Variants in BRINP2 observed in about 807,000 individuals in gnomAD.
BRINP2 encodes BMP/retinoic acid-inducible neural-specific protein 2.
A neutral mutation model predicts 69.2 loss-of-function variants in BRINP2; 21 were observed. That is an observed-to-expected ratio of 0.30 (90% CI 0.22 to 0.44). The LOEUF (loss-of-function observed/expected upper bound fraction) is 0.44. Ranked by LOEUF, BRINP2 falls within the 20% of genes least tolerant of loss-of-function variation. The probability of loss-of-function intolerance (pLI) is 1.00; values close to 1 mark genes in which losing one functional copy is unlikely to be tolerated. For missense variants in BRINP2, 877 were observed against 986.0 expected, an observed-to-expected ratio of 0.89 and a Z score of 1.48; for synonymous variants, 380 against 394.1, an observed-to-expected ratio of 0.96 and a Z score of 0.42.
At position 177,273,534 on chromosome 1, in the gene BRINP2, A is replaced by G. The variant is rs1351818163; in HGVS notation, c.716A>G (p.Asn239Ser). ...CCTCTGGGCTGCAGCAACTATGACA[A>G]TCTGGACTCAGTCAGTTCTGTCTTG... ...TGPLGCSNYD[N>S]LDSVSSVLVQ... The change falls in exon 5 of 8, where the codon AAT becomes AGT. Residue 239 changes from asparagine (N) to serine (S), a missense_variant. Coordinates refer to ENST00000361539, the MANE Select transcript of BRINP2 (RefSeq NM_021165.4). 13 of 1,610,126 alleles carry G rather than the reference A, an allele frequency of 8.1e-6. No individual in the cohort carries two copies. The highest frequency in any genetic ancestry group is 1.0e-5 in the Non-Finnish European group (12 of 1,178,062).
chr1:177,261,051 A>G (rs1015558044), intron 4 of BRINP2, among the ~76,000 whole-genome samples: 1 of 152,098 alleles, frequency 6.6e-6, no homozygotes, highest in Non-Finnish European at 1.5e-5. Context: ...AGAGACCTGA[A>G]TGAAGTGAGG....
At chr1:177,207,374 G>A (rs896325934) in intron 1 of BRINP2, among the ~76,000 whole-genome samples, 4 of 152,140 alleles carry the variant, frequency 2.6e-5, no homozygotes, top group Non-Finnish European at 5.9e-5. Context: ...GTGGGAAGGA[G>A]GCATTTAAGG....
Position 177,281,061 on chromosome 1 carries a change from A to G in BRINP2, c.1885A>G (p.Ile629Val), listed in dbSNP as rs183912741. ...AGCTGCCCAGTGCCAAAACTGGACTATCACCTTGGGGAATAGGTGGAAGAC... is the reference window on the plus strand; with the variant it reads ...AGCTGCCCAGTGCCAAAACTGGACTGTCACCTTGGGGAATAGGTGGAAGAC... ...DAAAQCQNWT[I>V]TLGNRWKTFF... Residue 629 changes from isoleucine (I) to valine (V), a missense_variant, in exon 8 of 8, where the codon ATC becomes GTC. Ile to Val is a conservative substitution (Grantham distance 29). This residue lies in a region of BRINP2 where 225 missense variants were observed against 218.7 expected (regional missense o/e 1.03). Coordinates refer to ENST00000361539, the MANE Select transcript of BRINP2 (RefSeq NM_021165.4). 795 of 1,614,234 alleles carry G rather than the reference A, an allele frequency of 4.9e-4. 1 individual carries two copies. The highest frequency in any genetic ancestry group is 7.4e-5 in the Non-Finnish European group (87 of 1,180,040).
At chr1:177,213,649 A>G (rs1168277992) in intron 1 of BRINP2, among the ~76,000 whole-genome samples, 1 of 152,208 alleles carries the variant, frequency 6.6e-6, no homozygotes, top group African/African-American at 2.4e-5. Context: ...TTGAACCTCT[A>G]TTATCACTGA....
At chr1:177,230,217 G>A in intron 2 of BRINP2, 72 bp downstream of exon 2, 2 of 1,490,968 alleles carry the variant, frequency 1.3e-6, no homozygotes, top group South Asian at 2.7e-5. Flanking sequence ...CTGGTGTGCT[G>A]GCCCAAACCC....
intron 1 of BRINP2, among the ~76,000 whole-genome samples, chr1:177,227,685 T>A (rs1649739215): frequency 6.6e-6 from 1 of 152,196 alleles, no homozygotes; most frequent in Non-Finnish European, 1.5e-5. Flanking sequence ...GATTTTATTT[T>A]TTATATTTAA....
At chr1:177,256,625 C>A in intron 3 of BRINP2, 1 of 985,390 alleles carries the variant, frequency 1.0e-6, no homozygotes. Context: ...GGACCCAGGG[C>A]AGGATCAAAA....
intron 1 of BRINP2, among the ~76,000 whole-genome samples, chr1:177,177,234 T>C (rs1341301795): frequency 6.6e-6 from 1 of 151,940 alleles, no homozygotes; most frequent in Non-Finnish European, 1.5e-5. Flanking sequence ...TGAGCCAAGA[T>C]TGCGCCACTG....
intron 2 of BRINP2, among the ~76,000 whole-genome samples, chr1:177,235,524 T>G (rs1649990962): frequency 6.6e-6 from 1 of 152,172 alleles, no homozygotes; most frequent in South Asian, 2.1e-4. Flanking sequence ...AGAAGCAGCC[T>G]GTGGGTGCCT....
At position 177,229,789 on chromosome 1, in the gene BRINP2, G is replaced by T; in HGVS notation, c.-76-12G>T. 2.0e-6 allele frequency: 3 copies of T among 1,494,888 alleles called. No individual in the cohort carries two copies. Among genetic ancestry groups the T allele is most frequent in the South Asian group, 1.4e-5 (1 of 72,634 alleles). The allele number at this position is 1,494,888 out of a possible 1,614,324, so 92.6% of individuals were successfully genotyped here. A position where few individuals can be genotyped will look rare whatever the true frequency, so the allele number is the denominator to read the frequency against. On this transcript the variant is annotated splice_polypyrimidine_tract_variant and intron_variant, in intron 1 of 7. Coordinates refer to ENST00000361539, the MANE Select transcript of BRINP2 (RefSeq NM_021165.4). ...GGGTGCTCAAATGACAATGCCTTTT[G>T]TACTTTTCCAGCTCCGAGCCCTGGA... is the stretch of plus-strand genomic sequence containing the variant.
In BRINP2 at chr1:177,256,210, C is replaced by A. The variant is rs779329177; in HGVS notation, c.460+101C>A. The A allele has an allele frequency of 8.4e-6, 12 of 1,434,152 alleles. No individual in the cohort carries two copies. The South Asian group carries it at 1.3e-4, about 15-fold the overall frequency. The allele number at this position is 1,434,152 out of a possible 1,614,324, so 88.8% of individuals were successfully genotyped here. ...TCCAACAGTCTTATCTTCTTCCGGGCCTTTTATTGCCTGAGAAGTCTTTCT... is the reference window on the plus strand; with the variant it reads ...TCCAACAGTCTTATCTTCTTCCGGGACTTTTATTGCCTGAGAAGTCTTTCT... On this transcript the variant is annotated intron_variant, in intron 3 of 7. Coordinates refer to ENST00000361539, the MANE Select transcript of BRINP2 (RefSeq NM_021165.4).
chr1:177,260,143 G>A lies in BRINP2; in HGVS notation c.669+2759G>A, dbSNP rs530763076. Among the ~76,000 whole-genome samples, 6 of 152,310 alleles carry A rather than the reference G, an allele frequency of 3.9e-5. No individual in the cohort carries two copies. The East Asian group carries it at 1.2e-3, about 29-fold the overall frequency. On this transcript the variant is annotated intron_variant, in intron 4 of 7. Transcript: ENST00000361539. ...AAATATCATTAACAGGAGCTTTGGA[G>A]AAGTTGATTCCAACCCTCATGGATG...
rs734133 is a variant in BRINP2 at position 177,208,415 on chromosome 1, G to A, written c.-76-21386G>A. Among the ~76,000 whole-genome samples the A allele has an allele frequency of 7.5e-3, 1,146 of 152,260 alleles. 6 individuals are homozygous for A. The highest frequency in any genetic ancestry group is 0.026 in the African/African-American group (1,070 of 41,528). On this transcript the variant is annotated intron_variant, in intron 1 of 7. Coordinates refer to ENST00000361539, the MANE Select transcript of BRINP2 (RefSeq NM_021165.4). ...ACAAATATCCAACAAATGAGAATAA[G>A]TAGATAAGTACTGTCTTTTAAAAAA...
intron 1 of BRINP2, among the ~76,000 whole-genome samples, chr1:177,224,631 G>A (rs1649641480): frequency 1.3e-5 from 2 of 151,508 alleles, no homozygotes; most frequent in Admixed American, 1.3e-4. Flanking sequence ...AACTGATGCT[G>A]TGAGGTATAA....
At chr1:177,271,581 G>A (rs1346102443) in intron 4 of BRINP2, among the ~76,000 whole-genome samples, 5 of 152,208 alleles carry the variant, frequency 3.3e-5, no homozygotes, top group African/African-American at 1.2e-4. Flanking sequence ...CTTGGAGAGT[G>A]ATAGTAATGA....
chr1:177,217,817 A>C (rs1021578312), intron 1 of BRINP2, among the ~76,000 whole-genome samples: 1 of 152,188 alleles, frequency 6.6e-6, no homozygotes, highest in African/African-American at 2.4e-5. Flanking sequence ...CTGTTTGGCA[A>C]GATCACTGGC....
At chr1:177,243,204 A>G (rs896178023) in intron 2 of BRINP2, among the ~76,000 whole-genome samples, 2 of 152,196 alleles carry the variant, frequency 1.3e-5, no homozygotes, top group Non-Finnish European at 2.9e-5. Context: ...AGAAGAAAGA[A>G]TAGGTAGTCT....
In BRINP2 at chr1:177,278,721, C is replaced by T. The variant is rs199558595; in HGVS notation, c.1171C>T (p.Arg391Cys). The change falls in exon 7 of 8, where the codon CGC (arginine) becomes TGC (cysteine). Residue 391 changes from arginine to cysteine, a missense_variant. By Grantham distance (180) the Arg-to-Cys change is radical (BLOSUM62 -3). This residue lies in a region of BRINP2 where 566 missense variants were observed against 625.2 expected (regional missense o/e 0.91). Coordinates refer to ENST00000361539, the MANE Select transcript of BRINP2 (RefSeq NM_021165.4). ...GTTCAAAAAGACCCATCGGATCCTA[C>T]GCCGGCTCTTCAACCTCTGCAAGCG... ...VLFKKTHRIL[R>C]RLFNLCKRCH... 12 of 1,614,078 alleles carry T rather than the reference C, an allele frequency of 7.4e-6. No homozygotes were observed. Among genetic ancestry groups the T allele is most frequent in the Middle Eastern group, 1.6e-4 (1 of 6,082 alleles).
intron 4 of BRINP2, among the ~76,000 whole-genome samples, chr1:177,268,904 T>C (rs957026209): frequency 6.6e-6 from 1 of 152,230 alleles, no homozygotes; most frequent in Non-Finnish European, 1.5e-5. Flanking sequence ...TGTCTATTTC[T>C]ATGACCTTGA....
Sources: allele counts gnomAD v4.1 joint callset (sites outside exome capture counted in the v4.1 genomes callset), GRCh38; gene constraint gnomAD v4.1.1; regional missense constraint gnomAD v4.1.1; transcripts MANE v1.5; gene names NCBI Gene and HGNC (gene_info 2026-07-23, HGNC 2026-07-21).